Variants in ACAD9 observed in about 807,000 individuals in gnomAD.
The protein encoded by ACAD9 is complex I assembly factor ACAD9, mitochondrial.
In ACAD9, 53 loss-of-function variants were observed where a neutral mutation model predicts 70.2. That is an observed-to-expected ratio of 0.75 (90% CI 0.61 to 0.95). ACAD9 has a LOEUF of 0.95. ACAD9 is among the 40% of genes least tolerant of loss of function. The probability of loss-of-function intolerance (pLI) is 0.00; values close to 1 mark genes in which losing one functional copy is unlikely to be tolerated. For synonymous variants in ACAD9, 313 were observed against 312.1 expected (o/e 1.00, Z -0.03); for missense variants, 777 against 802.8 (o/e 0.97, Z 0.39).
chr3:128,879,732 C>T lies in ACAD9; in HGVS notation c.41C>T (p.Ala14Val), dbSNP rs886057954. ...CTCTTCCTGCGCACCACGGCTGCGGCTCGTGCCTGCCGGGGTCTGGTGGTC... is the reference window on the plus strand; with the variant it reads ...CTCTTCCTGCGCACCACGGCTGCGGTTCGTGCCTGCCGGGGTCTGGTGGTC... ...CGLFLRTTAA[A>V]RACRGLVVST... The change falls in exon 1 of 18, where the codon GCT becomes GTT. Residue 14 changes from alanine (A) to valine (V), a missense_variant. Ala to Val is a moderately conservative substitution (Grantham distance 64). Coordinates refer to ENST00000308982, the MANE Select transcript of ACAD9 (RefSeq NM_014049.5). 6.2e-7 allele frequency: 1 copy of T among 1,612,860 alleles called. No homozygotes were observed. The highest frequency in any genetic ancestry group is 1.7e-5 in the Admixed American group (1 of 60,024).
chr3:128,890,032 T>C (rs1935371105), intron 2 of ACAD9, among the ~76,000 whole-genome samples: 1 of 152,052 alleles, frequency 6.6e-6, no homozygotes. Flanking sequence ...CACTATGTTA[T>C]TCAGGCTGGT....
chr3:128,900,389 C>T (rs1025348459), intron 7 of ACAD9, among the ~76,000 whole-genome samples: 2 of 152,222 alleles, frequency 1.3e-5, no homozygotes, highest in Non-Finnish European at 2.9e-5. Flanking sequence ...AGCTGCCTGC[C>T]ACCACGTCCG....
intron 1 of ACAD9, among the ~76,000 whole-genome samples, chr3:128,882,986 AG>A (rs1935136635): frequency 6.6e-6 from 1 of 152,168 alleles, no homozygotes; most frequent in Non-Finnish European, 1.5e-5. Context: ...CCATTGCACA[AG>A]ACCCAAGTGT....
In ACAD9 at chr3:128,893,442, A is replaced by C. The variant is rs540098916; in HGVS notation, c.245-113A>C. The C allele has an allele frequency of 4.5e-6, 4 of 890,850 alleles. No individual in the cohort carries two copies. The South Asian group carries it at 6.3e-5, about 14-fold the overall frequency. The allele number at this position is 890,850 out of a possible 1,614,324, so 55.2% of individuals were successfully genotyped here. ...CATGACTACAGAATTTCTAGTTTTG[A>C]AAAAGTTTCTACTCTGGGATTATAT... On this transcript the variant is annotated intron_variant, in intron 2 of 17. Coordinates refer to ENST00000308982, the MANE Select transcript of ACAD9 (RefSeq NM_014049.5).
intron 2 of ACAD9, among the ~76,000 whole-genome samples, chr3:128,892,356 T>G (rs1467086024): frequency 2.0e-5 from 3 of 152,232 alleles, no homozygotes; most frequent in African/African-American, 7.2e-5. Context: ...GTTCTCTTAG[T>G]GACCCATGTA....
intron 2 of ACAD9, among the ~76,000 whole-genome samples, chr3:128,886,167 A>G (rs113227148): frequency 4.4e-4 from 66 of 151,332 alleles, no homozygotes; most frequent in Middle Eastern, 6.8e-3. Context: ...CAGTGGTGCA[A>G]TCTCGACTCA....
In ACAD9 at chr3:128,882,792, T is replaced by C. The variant is rs531936283; in HGVS notation, c.151-1861T>C. ...TTTTTTAGATAATTTACAAACTGTT[T>C]ATTGCAATTGAACTCTCCTCCCCTA... On this transcript the variant is annotated intron_variant, in intron 1 of 17. Transcript: ENST00000308982. Among the ~76,000 whole-genome samples, 464 of 152,334 alleles carry C rather than the reference T, an allele frequency of 3.0e-3. 2 individuals carry two copies. The highest frequency in any genetic ancestry group is 0.011 in the African/African-American group (443 of 41,568).
In ACAD9 at chr3:128,890,712, G is replaced by T. The variant is rs150560240; in HGVS notation, c.245-2843G>T. 5.4e-3 allele frequency among the ~76,000 whole-genome samples: 826 copies of T among 151,992 alleles called. 6 individuals are homozygous for T. The highest frequency in any genetic ancestry group is 0.019 in the African/African-American group (773 of 41,482). ...ACAAGACTCCATCTCAAAAGAAACT[G>T]TATAGTTTTAATTCAGGTTTAGAAC... On this transcript the variant is annotated intron_variant, in intron 2 of 17. Coordinates refer to ENST00000308982, the MANE Select transcript of ACAD9 (RefSeq NM_014049.5).
At chr3:128,908,147 CG>C (rs774397802) in intron 12 of ACAD9, 37 bp from the exon 13 acceptor site, 3 of 1,602,290 alleles carry the variant, frequency 1.9e-6, no homozygotes, top group Admixed American at 1.7e-5. Context: ...GCTGCCTGGC[CG>C]GGGGGCAGCC....
rs1331524836 is a variant in ACAD9, at chr3:128,888,962, A to G, written c.244+4216A>G. On this transcript the variant is annotated intron_variant, in intron 2 of 17. Coordinates refer to ENST00000308982, the MANE Select transcript of ACAD9 (RefSeq NM_014049.5). ...TTTACAATAAATTGCACACACTGTC[A>G]TGTGACACATAATGACATTCAAGTC... Among the ~76,000 whole-genome samples the G allele has an allele frequency of 2.0e-5, 3 of 150,606 alleles. No homozygotes were observed. In the East Asian group the frequency reaches 5.8e-4, roughly 29 times the overall value.
chr3:128,893,174 C>T (rs1201696793), intron 2 of ACAD9, among the ~76,000 whole-genome samples: 2 of 150,020 alleles, frequency 1.3e-5, no homozygotes, highest in Non-Finnish European at 3.0e-5. Context: ...AGCAAGACCT[C>T]GTCTCTACTG....
chr3:128,882,149 G>A (rs1396952340), intron 1 of ACAD9, among the ~76,000 whole-genome samples: 1 of 152,044 alleles, frequency 6.6e-6, no homozygotes, highest in Non-Finnish European at 1.5e-5. Context: ...CCAGTAGCTG[G>A]GACTACAGGC....
chr3:128,881,304 C>T (rs181072690), intron 1 of ACAD9, among the ~76,000 whole-genome samples: 34 of 152,286 alleles, frequency 2.2e-4, no homozygotes, highest in African/African-American at 7.9e-4. Context: ...ATCTTTAAAC[C>T]TCTGGCACTA....
At chr3:128,880,120 C>A in intron 1 of ACAD9, 2 of 1,105,624 alleles carry the variant, frequency 1.8e-6, no homozygotes, top group Non-Finnish European at 2.5e-6. Flanking sequence ...AGGTAATTAA[C>A]AAAGCAGCCT....
intron 3 of ACAD9, among the ~76,000 whole-genome samples, chr3:128,894,451 C>T (rs1387571039): frequency 2.0e-5 from 3 of 149,894 alleles, no homozygotes; most frequent in African/African-American, 4.9e-5. Flanking sequence ...AAGTATATAT[C>T]TACATATGCT....
At position 128,902,680 on chromosome 3, in the gene ACAD9, C is replaced by T; in HGVS notation, c.958+52C>T. ...TGTGCCCCACCCCCTGCTGCCCCGGCTCCAACCCTGGAGGCTCTGCCATTC... is the reference window on the plus strand; with the variant it reads ...TGTGCCCCACCCCCTGCTGCCCCGGTTCCAACCCTGGAGGCTCTGCCATTC... On this transcript the variant is annotated intron_variant, in intron 9 of 17. Coordinates refer to ENST00000308982, the MANE Select transcript of ACAD9 (RefSeq NM_014049.5). This position sits in a 1 kb window ranked among gnomAD's most constrained non-coding sequence, Gnocchi z 4.0. 1 of 1,591,214 alleles carries T rather than the reference C, an allele frequency of 6.3e-7. No individual in the cohort carries two copies. Among genetic ancestry groups the T allele is most frequent in the Non-Finnish European group, 8.6e-7 (1 of 1,162,684 alleles).
intron 2 of ACAD9, among the ~76,000 whole-genome samples, chr3:128,885,219 CCTCAGGTCCCTCT>C (rs1286966833): frequency 6.6e-6 from 1 of 152,220 alleles, no homozygotes; most frequent in Non-Finnish European, 1.5e-5. Context: ...CAGCATTTGA[CCTCAGGTCCCTCT>C]CTCAGAGCTG....
intron 2 of ACAD9, among the ~76,000 whole-genome samples, chr3:128,885,415 A>C (rs1935216775): frequency 6.6e-6 from 1 of 152,240 alleles, no homozygotes; most frequent in Non-Finnish European, 1.5e-5. Context: ...TTTTTGAGAA[A>C]GGGCCTAGCT....
In ACAD9 at chr3:128,902,619, AGATT is replaced by A; in HGVS notation, c.955_958del (p.Ile319LysfsTer2). The A allele has an allele frequency of 6.2e-7, 1 of 1,613,930 alleles. No individual in the cohort carries two copies. ...CAGCGTCGTGGCTGGGCTGCTCAAG[AGATT>A]GATTGGTAGGTAAGTTAGGGACAAG... On this transcript the variant is annotated frameshift_variant, in exon 9 of 18. Transcript: ENST00000308982. LOFTEE classifies it high-confidence loss of function. This position sits in a 1 kb window ranked among gnomAD's most constrained non-coding sequence, Gnocchi z 4.0.
Sources: gnomAD v4.1 joint callset for allele counts (sites outside exome capture counted in the v4.1 genomes callset) on GRCh38, gnomAD v4.1.1 for gene constraint, Gnocchi (gnomAD v3.1) non-coding constraint, MANE v1.5 for transcripts, NCBI Gene and HGNC (gene_info 2026-07-23, HGNC 2026-07-21) for gene names.